Variants in RBFOX1 observed in about 807,000 individuals in gnomAD.
The protein encoded by RBFOX1 is RNA binding protein fox-1 homolog 1.
A neutral mutation model predicts 57.7 loss-of-function variants in RBFOX1; 8 were observed. The observed-to-expected ratio is 0.14, with a 90% CI of 0.08 to 0.25. RBFOX1 has a LOEUF of 0.25. Ranked by LOEUF, RBFOX1 falls within the 10% of genes least tolerant of loss-of-function variation. The probability of loss-of-function intolerance (pLI) is 1.00; values close to 1 mark genes in which losing one functional copy is unlikely to be tolerated. For missense variants in RBFOX1, 611 were observed against 548.5 expected (o/e 1.11, Z -1.14); for synonymous variants, 326 against 222.4 (o/e 1.47, Z -4.15).
At chr16:6,354,075 C>T (rs558209672) in intron 2 of RBFOX1, among the ~76,000 whole-genome samples, 8 of 152,008 alleles carry the variant, frequency 5.3e-5, no homozygotes, top group African/African-American at 1.7e-4. Flanking sequence ...CAAAAATTAG[C>T]CAGGCCTGGT....
intron 3 of RBFOX1, among the ~76,000 whole-genome samples, chr16:6,904,900 T>C (rs1278719284): frequency 6.6e-6 from 1 of 152,116 alleles, no homozygotes; most frequent in Admixed American, 6.5e-5. Context: ...CAAATTCCCC[T>C]GTTCCCAATT....
At chr16:5,780,038 G>A (rs555653893) in intron 3 of RBFOX1, among the ~76,000 whole-genome samples, 70 of 152,324 alleles carry the variant, frequency 4.6e-4, no homozygotes, top group African/African-American at 1.6e-3. Flanking sequence ...GAGTCTTGCT[G>A]TGTCGCCCCG....
Position 7,579,860 on chromosome 16 carries a change from G to C in RBFOX1, c.354G>C (p.Arg118=), listed in dbSNP as rs200053144. ...ENTENKSQPK[R]LHVSNIPFRF... Reference sequence around the variant, plus strand: ...CGGAAAACAAGTCTCAGCCCAAGCGGCTGCATGTCTCCAATATCCCCTTCA... The same window carrying C: ...CGGAAAACAAGTCTCAGCCCAAGCGCCTGCATGTCTCCAATATCCCCTTCA... The change falls in exon 6 of 16, where the codon CGG becomes CGC. Residue 118 remains arginine, a synonymous_variant. Transcript: ENST00000550418. 6.2e-7 allele frequency: 1 copy of C among 1,614,068 alleles called. No homozygotes were observed. Among genetic ancestry groups the C allele is most frequent in the African/African-American group, 1.3e-5 (1 of 75,018 alleles).
intron 4 of RBFOX1, among the ~76,000 whole-genome samples, chr16:7,286,935 T>G (rs1261800933): frequency 6.6e-6 from 1 of 152,072 alleles, no homozygotes; most frequent in Non-Finnish European, 1.5e-5. Context: ...GGCCCTGGGC[T>G]TCAAACTTTA....
chr16:5,462,092 A>G (rs900375464), intron 1 of RBFOX1, among the ~76,000 whole-genome samples: 1 of 152,078 alleles, frequency 6.6e-6, no homozygotes, highest in African/African-American at 2.4e-5. Context: ...TCTTTTCAAC[A>G]AAAGGTGGAA....
intron 3 of RBFOX1, among the ~76,000 whole-genome samples, chr16:6,962,206 C>T (rs924716796): frequency 4.6e-5 from 7 of 152,130 alleles, no homozygotes; most frequent in East Asian, 1.9e-4. Flanking sequence ...TCCAACTCTG[C>T]TTGTTTGCAC....
chr16:7,687,381 G>C (rs1349091629), intron 14 of RBFOX1, among the ~76,000 whole-genome samples: 1 of 152,012 alleles, frequency 6.6e-6, no homozygotes. Context: ...AGACAGGCAA[G>C]TCCAAGATAC....
intron 3 of RBFOX1, among the ~76,000 whole-genome samples, chr16:5,702,161 G>C (rs945911427): frequency 2.0e-5 from 3 of 152,194 alleles, no homozygotes; most frequent in Admixed American, 6.5e-5. Context: ...AATTTATGAA[G>C]AAAAGAGGTT....
rs758486606 is a variant in RBFOX1, at chr16:5,917,512, C to T, written c.351+50177C>T. The stretch of plus-strand genomic sequence containing the variant: ...TCATAATGATTGCAGTCAAAGAAGA[C>T]GGGAATTCCCAGGTTGTTCTGACAC... On this transcript the variant is annotated intron_variant, in intron 4 of 19. Coordinates refer to the RBFOX1 transcript ENST00000641259. Among the ~76,000 whole-genome samples, 11 of 152,264 alleles carry T rather than the reference C, an allele frequency of 7.2e-5. No homozygotes were observed. In the East Asian group the frequency reaches 9.7e-4, roughly 13 times the overall value.
chr16:5,465,804 A>G (rs1225683633), intron 1 of RBFOX1, among the ~76,000 whole-genome samples: 3 of 152,172 alleles, frequency 2.0e-5, no homozygotes, highest in Non-Finnish European at 4.4e-5. Context: ...GGAATTTGAG[A>G]CTCAGCAAGT....
intron 1 of RBFOX1, among the ~76,000 whole-genome samples, chr16:6,294,528 G>A (rs1211122544): frequency 6.6e-6 from 1 of 152,184 alleles, no homozygotes; most frequent in East Asian, 1.9e-4. Flanking sequence ...GAGTTTCTGT[G>A]AAACAGGTAA....
At chr16:6,294,668 T>C (rs2077872432) in intron 1 of RBFOX1, among the ~76,000 whole-genome samples, 1 of 152,194 alleles carries the variant, frequency 6.6e-6, no homozygotes, top group Non-Finnish European at 1.5e-5. Flanking sequence ...TGAAGAGGGC[T>C]CTTAGGTTAA....
chr16:5,946,751 C>G lies in RBFOX1; in HGVS notation c.351+79416C>G, dbSNP rs182852954. ...GGGGCCAGTCTTGTGGGACTGGGCC[C>G]TCAACCTGTGGAATCTGATTCTAAC... On this transcript the variant is annotated intron_variant, in intron 4 of 19. Coordinates refer to the RBFOX1 transcript ENST00000641259. The surrounding 1 kb of genome is among the most constrained non-coding windows in gnomAD (Gnocchi z 4.6). Among the ~76,000 whole-genome samples, 1 of 152,284 alleles carries G rather than the reference C, an allele frequency of 6.6e-6. No individual in the cohort carries two copies. The highest frequency in any genetic ancestry group is 2.4e-5 in the African/African-American group (1 of 41,556).
intron 1 of RBFOX1, among the ~76,000 whole-genome samples, chr16:6,174,304 A>G (rs2096986170): frequency 4.6e-5 from 7 of 152,208 alleles, no homozygotes; most frequent in Admixed American, 3.3e-4. Flanking sequence ...TTGAGAATAC[A>G]AAAGTTAGGG....
chr16:5,638,250 C>G (rs753905848), intron 3 of RBFOX1, among the ~76,000 whole-genome samples: 2 of 152,152 alleles, frequency 1.3e-5, no homozygotes, highest in Non-Finnish European at 2.9e-5. Context: ...TGCTATCAGC[C>G]ACCCAGACAG....
intron 3 of RBFOX1, among the ~76,000 whole-genome samples, chr16:5,608,673 T>C (rs1308231242): frequency 6.6e-6 from 1 of 152,146 alleles, no homozygotes; most frequent in Non-Finnish European, 1.5e-5. Flanking sequence ...AGTGCTGGAG[T>C]TGTCTGTTAC....
intron 4 of RBFOX1, among the ~76,000 whole-genome samples, chr16:7,445,698 CTGT>C (rs914030308): frequency 3.9e-5 from 6 of 152,294 alleles, no homozygotes; most frequent in African/African-American, 1.2e-4. Context: ...GTTGCTGTTA[CTGT>C]TGTTGTTGTG....
At chr16:7,217,031 C>CCCTT (rs2092197061) in intron 4 of RBFOX1, among the ~76,000 whole-genome samples, 1 of 71,556 alleles carries the variant, frequency 1.4e-5, no homozygotes, top group African/African-American at 7.4e-5. Context: ...CTCCCTCCCT[C>CCCTT]CCTCCCTCCC....
At chr16:7,077,500 T>G (rs149740868) in intron 4 of RBFOX1, among the ~76,000 whole-genome samples, 1 of 152,196 alleles carries the variant, frequency 6.6e-6, no homozygotes, top group Non-Finnish European at 1.5e-5. Flanking sequence ...ATCATAAACA[T>G]GGACTAATGG....
Sources: gnomAD v4.1 joint callset for allele counts (sites outside exome capture counted in the v4.1 genomes callset) on GRCh38, gnomAD v4.1.1 for gene constraint, Gnocchi (gnomAD v3.1) non-coding constraint, MANE v1.5 for transcripts, NCBI Gene and HGNC (gene_info 2026-07-23, HGNC 2026-07-21) for gene names.